The following MREG variants were observed in gnomAD, a reference collection of about 807,000 sequenced individuals.
The protein encoded by MREG is dilute suppressor protein homolog.
MREG carries 31 observed loss-of-function variants against 28.5 expected under a neutral mutation model. The observed-to-expected ratio is 1.09, with a 90% CI of 0.82 to 1.47. The LOEUF (loss-of-function observed/expected upper bound fraction) is 1.47. Among genes scored for constraint, MREG ranks in the 40% most tolerant of loss-of-function variants. The pLI is 0.00. For synonymous variants in MREG, 106 were observed against 95.2 expected, an observed-to-expected ratio of 1.11 and a Z score of -0.66; for missense variants, 256 against 257.4, an observed-to-expected ratio of 0.99 and a Z score of 0.04.
intron 2 of MREG, among the ~76,000 whole-genome samples, chr2:215,961,414 T>C (rs757513199): frequency 3.3e-5 from 5 of 152,078 alleles, no homozygotes; most frequent in Non-Finnish European, 4.4e-5. Flanking sequence ...CAGATTCACA[T>C]GCAGGCCCCC....
chr2:215,946,730 CA>C (rs779742288), intron 3 of MREG, among the ~76,000 whole-genome samples: 1 of 152,120 alleles, frequency 6.6e-6, no homozygotes, highest in East Asian at 1.9e-4. Flanking sequence ...TGTACAATGC[CA>C]AAAAAGTAAA....
At chr2:215,950,193 A>AT (rs1432955390) in intron 2 of MREG, among the ~76,000 whole-genome samples, 2 of 152,016 alleles carry the variant, frequency 1.3e-5, no homozygotes, top group Non-Finnish European at 2.9e-5. Context: ...GTCTCTGACA[A>AT]TTTTTTTTAG....
rs1689715429 is a variant in MREG, at chr2:215,943,949, A to G, written c.*914T>C. On this transcript the variant is annotated 3_prime_UTR_variant, in exon 5 of 5. Transcript: ENST00000263268. ...AATGTTGGGAATTTAAAATGCAAGT[A>G]CAACACATGAATACATAACTCTTTT... Among the ~76,000 whole-genome samples, 1 of 149,286 alleles carries G rather than the reference A, an allele frequency of 6.7e-6. No individual in the cohort carries two copies. The highest frequency in any genetic ancestry group is 2.1e-4 in the South Asian group (1 of 4,712).
intron 1 of MREG, among the ~76,000 whole-genome samples, chr2:216,010,906 A>C (rs62181264): frequency 0.2 from 30,812 of 150,712 alleles, 3,341 homozygotes; most frequent in Non-Finnish European, 0.25. Context: ...ACCATCCTGG[A>C]TAACACGGTG....
intron 1 of MREG, among the ~76,000 whole-genome samples, chr2:216,001,803 T>C (rs1694020058): frequency 6.6e-6 from 1 of 152,132 alleles, no homozygotes; most frequent in African/African-American, 2.4e-5. Flanking sequence ...TCAAGCCACA[T>C]TGTTTTAAAA....
At chr2:215,976,307 T>G (rs1559183702) in intron 2 of MREG, among the ~76,000 whole-genome samples, 1 of 152,206 alleles carries the variant, frequency 6.6e-6, no homozygotes, top group African/African-American at 2.4e-5. Flanking sequence ...CCTCTTCAAC[T>G]AGAGCCTTTA....
chr2:215,979,463 C>CAA (rs747741518), intron 2 of MREG, among the ~76,000 whole-genome samples: 80 of 105,708 alleles, frequency 7.6e-4, no homozygotes, highest in African/African-American at 2.7e-3. Flanking sequence ...AACTCCATCT[C>CAA]AAAAAATAAT....
chr2:215,959,558 T>C (rs1692723076), intron 2 of MREG, among the ~76,000 whole-genome samples: 1 of 152,252 alleles, frequency 6.6e-6, no homozygotes, highest in South Asian at 2.1e-4. Context: ...CCCAACCTGC[T>C]GTCTTCCAAA....
At chr2:215,960,660 C>A (rs1692756973) in intron 2 of MREG, among the ~76,000 whole-genome samples, 1 of 151,808 alleles carries the variant, frequency 6.6e-6, no homozygotes. Flanking sequence ...ATGGTGAAAC[C>A]CCGTCTCTAC....
intron 2 of MREG, among the ~76,000 whole-genome samples, chr2:215,992,475 G>C (rs1156945666): frequency 1.3e-5 from 2 of 152,160 alleles, no homozygotes; most frequent in African/African-American, 4.8e-5. Flanking sequence ...ATGGGCAAAA[G>C]CTGGAAGCAT....
At chr2:216,025,604 T>A (rs1694583873) in intron 1 of MREG, among the ~76,000 whole-genome samples, 1 of 152,258 alleles carries the variant, frequency 6.6e-6, no homozygotes, top group Admixed American at 6.5e-5. Context: ...ACTGGCCCTT[T>A]CTGTCCCCTC....
intron 1 of MREG, among the ~76,000 whole-genome samples, chr2:215,996,906 G>A (rs975994893): frequency 1.3e-5 from 2 of 152,090 alleles, no homozygotes; most frequent in Middle Eastern, 3.4e-3. Flanking sequence ...TCAGCCTACC[G>A]AGTACCTGGG....
At chr2:216,016,863 T>C (rs753025423), upstream of MREG, among the ~76,000 whole-genome samples, 3 of 152,238 alleles carry the variant, frequency 2.0e-5, no homozygotes, top group Non-Finnish European at 4.4e-5. Flanking sequence ...AAGAGGTTAA[T>C]GTCCTGCCTT....
intron 2 of MREG, among the ~76,000 whole-genome samples, chr2:215,953,190 G>C (rs981234570): frequency 6.6e-6 from 1 of 152,180 alleles, no homozygotes; most frequent in Non-Finnish European, 1.5e-5. Flanking sequence ...TGTTTTCTTT[G>C]CCAACATCTG....
At chr2:216,033,071 T>A (rs1694735034), upstream of MREG, 1 of 152,214 alleles carries the variant, frequency 6.6e-6, no homozygotes, top group African/African-American at 2.4e-5. Context: ...TTACACCTTT[T>A]AGTTGGGGAA....
intron 2 of MREG, among the ~76,000 whole-genome samples, chr2:215,958,068 G>T (rs952194206): frequency 8.1e-5 from 12 of 148,818 alleles, no homozygotes; most frequent in Non-Finnish European, 1.2e-4. Flanking sequence ...AGAACACATG[G>T]ACACAGGAAG....
chr2:215,980,568 T>C (rs1447737208), intron 2 of MREG, among the ~76,000 whole-genome samples: 1 of 152,198 alleles, frequency 6.6e-6, no homozygotes, highest in African/African-American at 2.4e-5. Flanking sequence ...ATCTACTTTA[T>C]GCAGGTGTGA....
intron 1 of MREG, among the ~76,000 whole-genome samples, chr2:216,008,490 G>A (rs1451533073): frequency 6.6e-6 from 1 of 152,226 alleles, no homozygotes; most frequent in Non-Finnish European, 1.5e-5. Context: ...AGCCACCCAA[G>A]TGGACCATAT....
At chr2:215,973,397 G>T (rs999028379) in intron 2 of MREG, among the ~76,000 whole-genome samples, 3 of 152,124 alleles carry the variant, frequency 2.0e-5, no homozygotes, top group Non-Finnish European at 4.4e-5. Context: ...GAGCATTTTT[G>T]AATTTATTTT....
Sources: gnomAD v4.1 joint callset for allele counts (sites outside exome capture counted in the v4.1 genomes callset) on GRCh38, gnomAD v4.1.1 for gene constraint, MANE v1.5 for transcripts, NCBI Gene and HGNC (gene_info 2026-07-23, HGNC 2026-07-21) for gene names.